KHDC1: variants seen among roughly 807,000 people sequenced by gnomAD.
KHDC1 encodes the protein KH homology domain-containing protein 1.
Under a neutral mutation model 24.7 loss-of-function variants are expected in KHDC1, and 21 were observed. The observed-to-expected ratio is 0.85, with a 90% CI of 0.60 to 1.23. KHDC1 has a LOEUF of 1.23. Ranked by LOEUF, KHDC1 falls within the 50% of genes most tolerant of loss-of-function variation. The probability of loss-of-function intolerance (pLI) is 0.00; values close to 1 mark genes in which losing one functional copy is unlikely to be tolerated. For missense variants in KHDC1, 274 were observed against 298.5 expected, an observed-to-expected ratio of 0.92 and a Z score of 0.61; for synonymous variants, 98 against 111.7, an observed-to-expected ratio of 0.88 and a Z score of 0.77.
chr6:73,248,182 G>GACC (rs1447762849), intron 2 of KHDC1, among the ~76,000 whole-genome samples: 3 of 152,310 alleles, frequency 2.0e-5, no homozygotes, highest in East Asian at 3.9e-4. Flanking sequence ...GTGGGAGACA[G>GACC]ACCTGAGGAG....
chr6:73,255,984 G>A (rs182657985), intron 2 of KHDC1, among the ~76,000 whole-genome samples: 65 of 151,370 alleles, frequency 4.3e-4, no homozygotes, highest in African/African-American at 1.6e-3. Flanking sequence ...CATGATTGTC[G>A]AGCCTGAAGT....
At chr6:73,296,703 G>C (rs992555858) in intron 1 of KHDC1, among the ~76,000 whole-genome samples, 1 of 152,108 alleles carries the variant, frequency 6.6e-6, no homozygotes, top group Admixed American at 6.6e-5. Flanking sequence ...AATCTCATCA[G>C]ATCCCAAGAG....
At chr6:73,297,203 C>CTA (rs1283131196) in intron 1 of KHDC1, among the ~76,000 whole-genome samples, 2 of 151,928 alleles carry the variant, frequency 1.3e-5, no homozygotes, top group African/African-American at 2.4e-5. Context: ...TACCAGCCTA[C>CTA]TATATATATA....
chr6:73,242,022 G>A, intron 4 of KHDC1, 33 bp downstream of exon 3: 3 of 1,585,424 alleles, frequency 1.9e-6, no homozygotes, highest in Non-Finnish European at 2.6e-6. Flanking sequence ...CCACCACCAA[G>A]TCTAAAACCA....
At chr6:73,264,156 G>A (rs958587261) in intron 2 of KHDC1, among the ~76,000 whole-genome samples, 2 of 152,142 alleles carry the variant, frequency 1.3e-5, no homozygotes, top group Non-Finnish European at 2.9e-5. Context: ...CTGAGATCAC[G>A]CCACTGCATT....
At chr6:73,293,659 C>T (rs1430287770) in intron 1 of KHDC1, among the ~76,000 whole-genome samples, 3 of 151,846 alleles carry the variant, frequency 2.0e-5, no homozygotes, top group South Asian at 2.1e-4. Flanking sequence ...GTAATTACAG[C>T]TACTTGGGAG....
chr6:73,250,863 C>T (rs1295392074), intron 2 of KHDC1, among the ~76,000 whole-genome samples: 2 of 151,972 alleles, frequency 1.3e-5, no homozygotes, highest in East Asian at 3.8e-4. Context: ...TTTTTGAAAT[C>T]GAGTCTCGCT....
At chr6:73,303,338 T>TGA (rs146002284) in intron 1 of KHDC1, among the ~76,000 whole-genome samples, 4 of 150,568 alleles carry the variant, frequency 2.7e-5, no homozygotes, top group Non-Finnish European at 3.0e-5. Flanking sequence ...GCAGAAGGAA[T>TGA]GAGAGAGAGA....
chr6:73,293,106 G>A (rs1229173850), intron 1 of KHDC1: 12 of 918,342 alleles, frequency 1.3e-5, no homozygotes, highest in Admixed American at 1.1e-4. Flanking sequence ...TCTAAATTAG[G>A]TCATGTGGTT....
At chr6:73,256,440 T>C (rs1349179938) in intron 2 of KHDC1, among the ~76,000 whole-genome samples, 1 of 152,234 alleles carries the variant, frequency 6.6e-6, no homozygotes, top group Non-Finnish European at 1.5e-5. Context: ...TTTCAACATT[T>C]GCTTTATAGA....
intron 1 of KHDC1, chr6:73,293,054 G>T: frequency 9.7e-7 from 1 of 1,028,052 alleles, no homozygotes; most frequent in South Asian, 1.3e-5. Context: ...AAGGTGGATT[G>T]TAAATGTGAT....
exon 5 of KHDC1, chr6:73,241,501 C>G: frequency 3.7e-6 from 6 of 1,606,414 alleles, no homozygotes; most frequent in Non-Finnish European, 4.3e-6. Context: ...CCTCTCATCC[C>G]CACTTCCCAG....
chr6:73,253,460 G>C (rs899841450), intron 2 of KHDC1, among the ~76,000 whole-genome samples: 2 of 152,052 alleles, frequency 1.3e-5, no homozygotes, highest in Non-Finnish European at 2.9e-5. Flanking sequence ...GGCTGAGGCA[G>C]GAGAATGGTG....
intron 1 of KHDC1, among the ~76,000 whole-genome samples, chr6:73,294,709 G>A (rs529773770): frequency 8.0e-4 from 122 of 152,208 alleles, no homozygotes; most frequent in African/African-American, 2.9e-3. Flanking sequence ...TTGGATATGT[G>A]TACCTGCCCA....
intron 2 of KHDC1, among the ~76,000 whole-genome samples, chr6:73,282,535 C>A (rs1442914289): frequency 1.3e-5 from 2 of 152,098 alleles, no homozygotes; most frequent in Non-Finnish European, 2.9e-5. Flanking sequence ...TGCCTGGGGA[C>A]TAGACTCCCT....
chr6:73,267,795 G>A (rs138549212), intron 2 of KHDC1, among the ~76,000 whole-genome samples: 568 of 151,812 alleles, frequency 3.7e-3, no homozygotes, highest in Middle Eastern at 0.027. Context: ...CAGATGAATG[G>A]ATAAACAAAA....
At chr6:73,255,877 G>A (rs1766872001) in intron 2 of KHDC1, among the ~76,000 whole-genome samples, 1 of 149,594 alleles carries the variant, frequency 6.7e-6, no homozygotes, top group Admixed American at 6.7e-5. Context: ...ACTCCAGCCT[G>A]GGTGACAGAG....
At chr6:73,244,630 G>T (rs1261897537) in intron 2 of KHDC1, among the ~76,000 whole-genome samples, 1 of 142,276 alleles carries the variant, frequency 7.0e-6, no homozygotes. Flanking sequence ...ATCGGGGAGT[G>T]GTGACTCATG....
chr6:73,288,359 G>A (rs1165850048), intron 2 of KHDC1, among the ~76,000 whole-genome samples: 6 of 152,192 alleles, frequency 3.9e-5, no homozygotes, highest in Non-Finnish European at 7.4e-5. Context: ...GGTGGTTCAC[G>A]CTTGTAATCC....
Sources: gnomAD v4.1 joint callset for allele counts (sites outside exome capture counted in the v4.1 genomes callset) on GRCh38, gnomAD v4.1.1 for gene constraint, MANE v1.5 for transcripts, NCBI Gene and HGNC (gene_info 2026-07-23, HGNC 2026-07-21) for gene names.